The following PHF24 variants were observed in gnomAD, a reference collection of about 807,000 sequenced individuals.
PHF24 encodes Galpha inhibitory interacting protein.
A neutral mutation model predicts 42.6 loss-of-function variants in PHF24; 25 were observed. The observed-to-expected ratio is 0.59, with a 90% CI of 0.43 to 0.82. The LOEUF is 0.82. Among genes scored for constraint, PHF24 ranks in the 40% least tolerant of loss-of-function variants. The pLI is 0.00. For missense variants in PHF24, 470 were observed against 538.1 expected, an observed-to-expected ratio of 0.87 and a Z score of 1.25; for synonymous variants, 185 against 204.8, an observed-to-expected ratio of 0.90 and a Z score of 0.83.
the PHF24 span, chr9:34,832,599 A>G: frequency 2.6e-6 from 4 of 1,544,212 alleles, no homozygotes; most frequent in Middle Eastern, 1.7e-4. Context: ...GGCAGAGAAC[A>G]TGGAATCCTT....
the PHF24 span, among the ~76,000 whole-genome samples, chr9:34,937,059 G>A: frequency 1.4e-5 from 2 of 144,934 alleles, no homozygotes; most frequent in Admixed American, 6.8e-5. Flanking sequence ...CAGCCGCCCC[G>A]TCCGGGAGGT....
the PHF24 span, chr9:34,724,963 A>G: frequency 5.8e-6 from 9 of 1,551,668 alleles, no homozygotes; most frequent in African/African-American, 1.4e-5. Context: ...GGAGCAGCTT[A>G]GGGTGTTCAG....
chr9:34,706,727 G>T, the PHF24 span, among the ~76,000 whole-genome samples: 4 of 152,150 alleles, frequency 2.6e-5, no homozygotes, highest in Admixed American at 2.6e-4. Context: ...TTCTGCCTAT[G>T]TTTTTCTTTT....
chr9:34,684,793 A>G, the PHF24 span, among the ~76,000 whole-genome samples: 1 of 152,146 alleles, frequency 6.6e-6, no homozygotes, highest in Non-Finnish European at 1.5e-5. Flanking sequence ...CAAAAGCCCT[A>G]GGAGATCTGG....
At chr9:34,701,836 C>T in the PHF24 span, among the ~76,000 whole-genome samples, 1 of 152,088 alleles carries the variant, frequency 6.6e-6, no homozygotes, top group African/African-American at 2.4e-5. This position sits in a 1 kb window ranked among gnomAD's most constrained non-coding sequence, Gnocchi z 5.8. Flanking sequence ...TGTTTGTCGG[C>T]GAATATGAAG....
chr9:34,971,179 C>G, intron 1 of PHF24, 116 bp from the exon 2 acceptor site: 3 of 1,098,074 alleles, frequency 2.7e-6, no homozygotes, highest in Non-Finnish European at 3.9e-6. Context: ...CCACCCCCAC[C>G]ATGTTCTAGA....
chr9:34,929,569 C>T, the PHF24 span, among the ~76,000 whole-genome samples: 1 of 152,122 alleles, frequency 6.6e-6, no homozygotes, highest in South Asian at 2.1e-4. Context: ...TGATCTTATT[C>T]TATTAGTACT....
rs551820667 is a variant in PHF24 at position 34,971,245 on chromosome 9, A to G, written c.-4-50A>G. 457 of 1,538,218 alleles carry G rather than the reference A, an allele frequency of 3.0e-4. 1 individual carries two copies. Among genetic ancestry groups the G allele is most frequent in the Non-Finnish European group, 3.9e-4 (439 of 1,138,592 alleles). On this transcript the variant is annotated intron_variant, in intron 1 of 7. Transcript: ENST00000242315. ...ACTTAGGTTGAAACTGATTAGCCTGACATCCTCAGCCATTGGCTGAACCTG... is the reference window on the plus strand; with the variant it reads ...ACTTAGGTTGAAACTGATTAGCCTGGCATCCTCAGCCATTGGCTGAACCTG...
the PHF24 span, among the ~76,000 whole-genome samples, chr9:34,937,666 CACA>C: frequency 8.0e-5 from 6 of 74,572 alleles, no homozygotes; most frequent in Non-Finnish European, 3.1e-5. Context: ...AAATGAAAAT[CACA>C]ACAACAAGGC....
In PHF24 at chr9:34,973,800, G is replaced by A. The variant is rs1027386867; in HGVS notation, c.564+1269G>A. ...CTTCCAAATGCCATCCTTTCATCTC[G>A]GCCACTCTGCTTTGCGGTGTGCTGC... On this transcript the variant is annotated intron_variant, in intron 3 of 7. Transcript: ENST00000242315. Among the ~76,000 whole-genome samples the A allele has an allele frequency of 6.6e-5, 10 of 151,994 alleles. No homozygotes were observed. In the East Asian group the frequency reaches 1.4e-3, roughly 21 times the overall value.
exon 2 of PHF24, chr9:34,971,419 C>T (rs773499788): frequency 6.2e-7 from 1 of 1,614,150 alleles, no homozygotes; most frequent in East Asian, 2.2e-5. Context: ...AGGTGAGCTG[C>T]CAGGGTCCCG....
chr9:34,746,447 C>A, the PHF24 span, among the ~76,000 whole-genome samples: 41 of 152,236 alleles, frequency 2.7e-4, no homozygotes, highest in Admixed American at 1.5e-3. Context: ...CATATAAAAT[C>A]AGCAATACAC....
chr9:34,734,622 G>A, the PHF24 span, among the ~76,000 whole-genome samples: 1 of 152,126 alleles, frequency 6.6e-6, no homozygotes, highest in African/African-American at 2.4e-5. Context: ...GCTGGAAAAA[G>A]GGAAAAGAAA....
the PHF24 span, chr9:34,835,584 T>A: frequency 1.2e-5 from 19 of 1,551,658 alleles, no homozygotes; most frequent in Admixed American, 1.4e-4. Flanking sequence ...CTGGGGTTGC[T>A]CTGCTCATCT....
the PHF24 span, chr9:34,726,456 A>G: frequency 6.4e-7 from 1 of 1,551,328 alleles, no homozygotes; most frequent in Non-Finnish European, 8.7e-7. Context: ...GGGTTCAGGG[A>G]CAGCAAGGAG....
At chr9:34,893,118 G>A in the PHF24 span, 30 of 838,914 alleles carry the variant, frequency 3.6e-5, no homozygotes, top group South Asian at 2.4e-4. Flanking sequence ...CACAGGATTC[G>A]CCGCACACTT....
chr9:34,729,817 G>A, the PHF24 span, among the ~76,000 whole-genome samples: 8 of 152,320 alleles, frequency 5.3e-5, no homozygotes, highest in East Asian at 1.9e-4. Flanking sequence ...TAGATAGGCC[G>A]GAGGAACCTC....
exon 8 of PHF24, chr9:34,978,922 T>G (rs1827299397): frequency 6.6e-6 from 1 of 152,142 alleles, no homozygotes; most frequent in South Asian, 2.1e-4. Context: ...AGGTGAGCCT[T>G]CTTGGCCCCA....
At chr9:34,934,649 C>G in the PHF24 span, among the ~76,000 whole-genome samples, 17 of 152,152 alleles carry the variant, frequency 1.1e-4, no homozygotes, top group East Asian at 3.3e-3. Context: ...GGCACAAGAC[C>G]TGGAGAAGTA....
Sources: gnomAD v4.1 joint callset for allele counts (sites outside exome capture counted in the v4.1 genomes callset) on GRCh38, gnomAD v4.1.1 for gene constraint, Gnocchi (gnomAD v3.1) non-coding constraint, MANE v1.5 for transcripts, NCBI Gene and HGNC (gene_info 2026-07-23, HGNC 2026-07-21) for gene names.